ARHGAP15: variants seen among roughly 807,000 people sequenced by gnomAD.
ARHGAP15 encodes rho GTPase-activating protein 15.
In ARHGAP15, 51 loss-of-function variants were observed where a neutral mutation model predicts 63.7. The ratio of observed to expected loss-of-function variants is 0.80; its 90% confidence interval spans 0.64 to 1.01. The LOEUF (loss-of-function observed/expected upper bound fraction) is 1.01. ARHGAP15 is among the 50% of genes least tolerant of loss of function. The probability of loss-of-function intolerance (pLI) is 0.00; values close to 1 mark genes in which losing one functional copy is unlikely to be tolerated. For synonymous variants in ARHGAP15, 191 were observed against 193.8 expected (o/e 0.99, Z 0.12); for missense variants, 560 against 564.6 (o/e 0.99, Z 0.08).
In ARHGAP15 at chr2:143,747,245, TAAAAAAAAAG is replaced by T. The variant is rs1211661464; in HGVS notation, c.1245-20732_1245-20723del. Among the ~76,000 whole-genome samples the T allele has an allele frequency of 4.0e-5, 6 of 149,006 alleles. 1 individual carries two copies. The South Asian group carries it at 1.3e-3, about 32-fold the overall frequency. On this transcript the variant is annotated intron_variant, in intron 13 of 13. Coordinates refer to ENST00000295095, the MANE Select transcript of ARHGAP15 (RefSeq NM_018460.4). ...ACGTGTATTCATGTATCCCAGAACT[TAAAAAAAAAG>T]AAAAAAAAAGATCGGAGACTTCCCA...
chr2:143,328,302 G>A (rs377224458), intron 6 of ARHGAP15, among the ~76,000 whole-genome samples: 2 of 152,050 alleles, frequency 1.3e-5, no homozygotes, highest in South Asian at 2.1e-4. Context: ...TATGTTTATC[G>A]CAGCACTGTT....
At position 143,542,925 on chromosome 2, in the gene ARHGAP15, C is replaced by T. The variant is rs962065713; in HGVS notation, c.926-13483C>T. Among the ~76,000 whole-genome samples, 7 of 146,296 alleles carry T rather than the reference C, an allele frequency of 4.8e-5. No individual in the cohort carries two copies. In the East Asian group the frequency reaches 1.4e-3, roughly 29 times the overall value. ...TAATAACATATGATATATATAATAT[C>T]ACATTTTATCATTCAACCATTGATG... On this transcript the variant is annotated intron_variant, in intron 10 of 13. Coordinates refer to ENST00000295095, the MANE Select transcript of ARHGAP15 (RefSeq NM_018460.4).
At chr2:143,430,351 T>C (rs1689331617) in intron 6 of ARHGAP15, among the ~76,000 whole-genome samples, 1 of 152,180 alleles carries the variant, frequency 6.6e-6, no homozygotes, top group Non-Finnish European at 1.5e-5. Context: ...TTAACTTTGC[T>C]CAACATGTTA....
At chr2:143,512,616 A>G (rs1012177561) in intron 9 of ARHGAP15, among the ~76,000 whole-genome samples, 17 of 152,220 alleles carry the variant, frequency 1.1e-4, no homozygotes, top group Non-Finnish European at 2.9e-5. Flanking sequence ...CGTTTGTCCA[A>G]TGCTACATCC....
At chr2:143,737,770 T>TTTA (rs1559153697) in intron 13 of ARHGAP15, among the ~76,000 whole-genome samples, 18 of 142,838 alleles carry the variant, frequency 1.3e-4, no homozygotes, top group African/African-American at 4.7e-4. Flanking sequence ...TTATTTATTT[T>TTTA]TTGAGATGGA....
chr2:143,717,009 T>G (rs191117060), intron 13 of ARHGAP15, among the ~76,000 whole-genome samples: 43 of 152,390 alleles, frequency 2.8e-4, no homozygotes, highest in Admixed American at 7.2e-4. Flanking sequence ...AAGAAAAGTT[T>G]CATTTTTAGG....
intron 6 of ARHGAP15, among the ~76,000 whole-genome samples, chr2:143,365,206 C>T (rs1167799185): frequency 6.6e-6 from 1 of 152,172 alleles, no homozygotes; most frequent in Non-Finnish European, 1.5e-5. Context: ...ACCCTATCTC[C>T]TATACTTTGT....
At chr2:143,638,688 A>T (rs1222958462) in intron 12 of ARHGAP15, among the ~76,000 whole-genome samples, 2 of 37,870 alleles carry the variant, frequency 5.3e-5, no homozygotes, top group Non-Finnish European at 8.6e-5. Flanking sequence ...AAAAAATATT[A>T]AAAAAAAAAA....
intron 6 of ARHGAP15, among the ~76,000 whole-genome samples, chr2:143,417,472 A>G (rs1688739511): frequency 1.3e-5 from 2 of 152,274 alleles, no homozygotes; most frequent in South Asian, 4.1e-4. Context: ...ACTTGTCTGT[A>G]CTTAATATGG....
At chr2:143,600,027 TATAAA>T (rs1244832778) in intron 11 of ARHGAP15, among the ~76,000 whole-genome samples, 1 of 152,176 alleles carries the variant, frequency 6.6e-6, no homozygotes, top group Non-Finnish European at 1.5e-5. Flanking sequence ...GGGCACATGT[TATAAA>T]AGAAGTTGCT....
At chr2:143,264,055 G>T (rs937891003) in intron 6 of ARHGAP15, among the ~76,000 whole-genome samples, 3 of 151,068 alleles carry the variant, frequency 2.0e-5, no homozygotes, top group Non-Finnish European at 4.4e-5. Context: ...GTGAACTCAG[G>T]GAGAGGCACC....
intron 11 of ARHGAP15, among the ~76,000 whole-genome samples, chr2:143,585,993 G>A (rs1697094124): frequency 6.6e-6 from 1 of 152,050 alleles, no homozygotes; most frequent in Admixed American, 6.6e-5. Context: ...GTTTCTGAAT[G>A]TTTCACAGTG....
chr2:143,440,857 AAAG>A (rs1689843720), intron 8 of ARHGAP15, among the ~76,000 whole-genome samples: 2 of 152,262 alleles, frequency 1.3e-5, no homozygotes, highest in South Asian at 2.1e-4. Flanking sequence ...AGAGTCAATC[AAAG>A]AAGATGTGAA....
intron 6 of ARHGAP15, among the ~76,000 whole-genome samples, chr2:143,346,248 A>T (rs866033732): frequency 5.9e-5 from 8 of 135,252 alleles, no homozygotes; most frequent in Non-Finnish European, 1.2e-4. Flanking sequence ...ACACACACAC[A>T]CTCACACACA....
At chr2:143,214,167 T>C (rs1368278779) in intron 3 of ARHGAP15, among the ~76,000 whole-genome samples, 1 of 152,204 alleles carries the variant, frequency 6.6e-6, no homozygotes, top group African/African-American at 2.4e-5. Context: ...TGGGGCTATA[T>C]TTTTAGCAGA....
chr2:143,760,445 A>G (rs11688752), intron 13 of ARHGAP15, among the ~76,000 whole-genome samples: 48,067 of 151,874 alleles, frequency 0.32, 7,845 homozygotes, highest in East Asian at 0.39. Context: ...CTTACAGAAC[A>G]TATATTCTAA....
In ARHGAP15 at chr2:143,450,420, T is replaced by C. The variant is rs183119373; in HGVS notation, c.703+13378T>C. On this transcript the variant is annotated intron_variant, in intron 8 of 13. Transcript: ENST00000295095. ...TAAAAGTGATTATTTTCTTAAGTCT[T>C]ACAAGAAGCTCTTAACTATTAGTTG... Among the ~76,000 whole-genome samples the C allele has an allele frequency of 1.3e-4, 20 of 152,064 alleles. No individual in the cohort carries two copies. In the East Asian group the frequency reaches 3.5e-3, roughly 26 times the overall value.
rs1181181877 is a variant in ARHGAP15, at chr2:143,436,816, C to G, written c.574-97C>G. 3.1e-6 allele frequency: 4 copies of G among 1,310,686 alleles called. No individual in the cohort carries two copies. In the East Asian group the frequency reaches 9.4e-5, roughly 31 times the overall value. The allele number at this position is 1,310,686 out of a possible 1,614,324, so 81.2% of individuals were successfully genotyped here. ...CTATCCTCAAATAATTACCTTACTT[C>G]AAATTTCCCCATAAACAGCAAAATT... is the stretch of plus-strand genomic sequence containing the variant. On this transcript the variant is annotated intron_variant, in intron 7 of 13. Coordinates refer to ENST00000295095, the MANE Select transcript of ARHGAP15 (RefSeq NM_018460.4).
At chr2:143,536,870 A>G (rs1248089593) in intron 10 of ARHGAP15, among the ~76,000 whole-genome samples, 1 of 152,052 alleles carries the variant, frequency 6.6e-6, no homozygotes, top group Admixed American at 6.6e-5. Flanking sequence ...ATGATTTATA[A>G]TCCTTTGGGT....
Sources: gnomAD v4.1 joint callset for allele counts (sites outside exome capture counted in the v4.1 genomes callset) on GRCh38, gnomAD v4.1.1 for gene constraint, MANE v1.5 for transcripts, NCBI Gene and HGNC (gene_info 2026-07-23, HGNC 2026-07-21) for gene names.